The following LRP1B variants were observed in gnomAD, a reference collection of about 807,000 sequenced individuals.
The protein encoded by LRP1B is low-density lipoprotein receptor-related protein 1B.
In LRP1B, 217 loss-of-function variants were observed where a neutral mutation model predicts 556.6. The observed-to-expected ratio is 0.39, with a 90% CI of 0.35 to 0.44. The LOEUF is 0.44. Ranked by LOEUF, LRP1B falls within the 20% of genes least tolerant of loss-of-function variation. The pLI is 1.00. For missense variants in LRP1B, 5,053 were observed against 5,620.8 expected (o/e 0.90, Z 3.23); for synonymous variants, 2,047 against 1,865.8 (o/e 1.10, Z -2.50).
At chr2:140,889,848 A>C (rs1693746183) in intron 23 of LRP1B, among the ~76,000 whole-genome samples, 1 of 152,182 alleles carries the variant, frequency 6.6e-6, no homozygotes. Flanking sequence ...TTCTACAACT[A>C]TTTTGGAGAC....
intron 1 of LRP1B, among the ~76,000 whole-genome samples, chr2:142,001,842 T>C: frequency 6.6e-6 from 1 of 152,184 alleles, no homozygotes. Context: ...CCTGATTTTA[T>C]CAGCTTCTGA....
chr2:141,712,065 A>G (rs1403482571), intron 2 of LRP1B, among the ~76,000 whole-genome samples: 2 of 152,028 alleles, frequency 1.3e-5, no homozygotes, highest in Non-Finnish European at 2.9e-5. Context: ...TGCTTACCCC[A>G]CCCACACAAA....
At chr2:141,502,249 G>T (rs1314883652) in intron 2 of LRP1B, among the ~76,000 whole-genome samples, 1 of 152,138 alleles carries the variant, frequency 6.6e-6, no homozygotes, top group African/African-American at 2.4e-5. Flanking sequence ...GGGGACAAGA[G>T]AATATTTTTA....
chr2:142,106,903 ATAAT>A (rs1199715938), intron 1 of LRP1B, among the ~76,000 whole-genome samples: 2 of 152,288 alleles, frequency 1.3e-5, no homozygotes, highest in African/African-American at 4.8e-5. Flanking sequence ...TTTAGCTAAA[ATAAT>A]TAATGGGACA....
intron 7 of LRP1B, among the ~76,000 whole-genome samples, chr2:141,100,788 A>T (rs1055848550): frequency 6.6e-6 from 1 of 151,980 alleles, no homozygotes; most frequent in Admixed American, 6.6e-5. Context: ...GGGAGTAGAC[A>T]TGAAAACAGA....
intron 41 of LRP1B, among the ~76,000 whole-genome samples, chr2:140,644,470 T>C (rs1268527102): frequency 1.3e-5 from 2 of 151,304 alleles, no homozygotes; most frequent in South Asian, 2.1e-4. Context: ...ACTATGTTCA[T>C]TCACTGTAGC....
intron 1 of LRP1B, among the ~76,000 whole-genome samples, chr2:141,961,087 G>T (rs893407110): frequency 1.3e-5 from 2 of 151,612 alleles, no homozygotes; most frequent in African/African-American, 4.8e-5. Flanking sequence ...ATAGCAAAAT[G>T]CAGCATTTGA....
At chr2:141,384,118 T>G (rs977365608) in intron 3 of LRP1B, among the ~76,000 whole-genome samples, 2 of 152,170 alleles carry the variant, frequency 1.3e-5, no homozygotes, top group Non-Finnish European at 2.9e-5. Flanking sequence ...CATTTTTTAT[T>G]TTTTAAAAGG....
chr2:140,823,792 G>GA (rs1377218899), intron 31 of LRP1B, among the ~76,000 whole-genome samples: 1 of 151,286 alleles, frequency 6.6e-6, no homozygotes, highest in Admixed American at 6.6e-5. Flanking sequence ...CAGAAAGACA[G>GA]AAAAAAAAGT....
intron 2 of LRP1B, among the ~76,000 whole-genome samples, chr2:141,511,128 C>A (rs374132977): frequency 9.2e-5 from 14 of 152,088 alleles, no homozygotes; most frequent in East Asian, 1.9e-4. Context: ...GCTGTCGTGC[C>A]CTCAAGGGAT....
chr2:141,440,020 A>AT (rs1680902173), intron 3 of LRP1B, among the ~76,000 whole-genome samples: 1 of 152,184 alleles, frequency 6.6e-6, no homozygotes, highest in African/African-American at 2.4e-5. Flanking sequence ...GGCACGCACT[A>AT]TTTTGGTCGA....
intron 35 of LRP1B, among the ~76,000 whole-genome samples, chr2:140,717,557 T>C (rs1270478502): frequency 6.6e-6 from 1 of 152,040 alleles, no homozygotes; most frequent in African/African-American, 2.4e-5. Flanking sequence ...AAATGAAATA[T>C]ATGTGCATGC....
intron 41 of LRP1B, among the ~76,000 whole-genome samples, chr2:140,668,355 T>G: frequency 7.5e-6 from 1 of 134,190 alleles, no homozygotes; most frequent in African/African-American, 2.9e-5. Flanking sequence ...AAAGAATATT[T>G]AGGGTCAAAT....
intron 3 of LRP1B, among the ~76,000 whole-genome samples, chr2:141,425,508 A>G (rs1016083605): frequency 2.0e-4 from 30 of 151,130 alleles, no homozygotes; most frequent in East Asian, 5.9e-4. Flanking sequence ...GACTTCCACA[A>G]TGGTTGAACT....
chr2:140,664,362 T>TTCTA (rs1316988806), intron 41 of LRP1B, among the ~76,000 whole-genome samples: 1 of 152,140 alleles, frequency 6.6e-6, no homozygotes, highest in African/African-American at 2.4e-5. Context: ...GAGATCTCCC[T>TTCTA]TCTATCTATC....
chr2:141,530,452 TG>T (rs1684831216), intron 2 of LRP1B, among the ~76,000 whole-genome samples: 10 of 152,152 alleles, frequency 6.6e-5, no homozygotes, highest in African/African-American at 2.4e-4. Flanking sequence ...TACTTGAATA[TG>T]TATTCATTCT....
chr2:141,897,622 T>C (rs1475902258), intron 1 of LRP1B, among the ~76,000 whole-genome samples: 1 of 152,178 alleles, frequency 6.6e-6, no homozygotes, highest in East Asian at 1.9e-4. Flanking sequence ...TTCCATTTTG[T>C]CTATGCCACA....
At chr2:141,521,336 T>C (rs562265721) in intron 2 of LRP1B, among the ~76,000 whole-genome samples, 4 of 152,200 alleles carry the variant, frequency 2.6e-5, no homozygotes, top group South Asian at 4.1e-4. Context: ...ATACAATCAA[T>C]ATATAAATTA....
intron 7 of LRP1B, among the ~76,000 whole-genome samples, chr2:141,178,234 C>T (rs914961869): frequency 7.2e-5 from 11 of 152,042 alleles, no homozygotes; most frequent in Non-Finnish European, 1.6e-4. Flanking sequence ...CTAGAAAGAG[C>T]CTCCTATTGG....
Sources: allele counts gnomAD v4.1 joint callset (sites outside exome capture counted in the v4.1 genomes callset), GRCh38; gene constraint gnomAD v4.1.1; transcripts MANE v1.5; gene names NCBI Gene and HGNC (gene_info 2026-07-23, HGNC 2026-07-21).